The following FBXO15 variants were observed in gnomAD, a reference collection of about 807,000 sequenced individuals.
FBXO15 encodes F-box only protein 15.
A neutral mutation model predicts 49.5 loss-of-function variants in FBXO15; 30 were observed. The observed-to-expected ratio is 0.61, with a 90% CI of 0.45 to 0.82. The LOEUF is 0.82. Among genes scored for constraint, FBXO15 ranks in the 40% least tolerant of loss-of-function variants. The pLI is 0.00. For synonymous variants in FBXO15, 250 were observed against 232.7 expected (o/e 1.07, Z -0.68); for missense variants, 591 against 631.5 (o/e 0.94, Z 0.69).
At chr18:74,088,735 G>A (rs1048658803) in intron 8 of FBXO15, among the ~76,000 whole-genome samples, 7 of 152,174 alleles carry the variant, frequency 4.6e-5, no homozygotes, top group African/African-American at 1.7e-4. Context: ...ATCTAATTCT[G>A]TGGAGAATGT....
intron 8 of FBXO15, among the ~76,000 whole-genome samples, chr18:74,121,818 A>T (rs1914483438): frequency 6.6e-6 from 1 of 152,208 alleles, no homozygotes; most frequent in Admixed American, 6.5e-5. Flanking sequence ...CCACCACAGG[A>T]GATGACTAGT....
At chr18:74,094,337 T>C (rs2097064) in intron 8 of FBXO15, among the ~76,000 whole-genome samples, 2,333 of 152,244 alleles carry the variant, frequency 0.015, 65 homozygotes, top group African/African-American at 0.053. Context: ...TTTAAAAGTA[T>C]GTGGCCTCTC....
intron 1 of FBXO15, among the ~76,000 whole-genome samples, chr18:74,145,698 C>T (rs1457905879): frequency 4.0e-5 from 6 of 149,442 alleles, no homozygotes; most frequent in Non-Finnish European, 5.9e-5. Context: ...CCTGGGTTCA[C>T]GCCATTCTCC....
intron 2 of FBXO15, among the ~76,000 whole-genome samples, 197 bp from the exon 3 acceptor site, chr18:74,136,063 C>T (rs934598247): frequency 2.6e-5 from 4 of 152,212 alleles, no homozygotes; most frequent in African/African-American, 9.7e-5. Flanking sequence ...ATTCTCATGA[C>T]ATAAACCATA....
chr18:74,085,888 T>A (rs1203799349), intron 8 of FBXO15, among the ~76,000 whole-genome samples: 1 of 152,028 alleles, frequency 6.6e-6, no homozygotes, highest in African/African-American at 2.4e-5. Context: ...ATAGAAAAAG[T>A]TTTAAAACAG....
intron 8 of FBXO15, among the ~76,000 whole-genome samples, chr18:74,107,054 AATG>A (rs1314325206): frequency 6.6e-6 from 1 of 152,140 alleles, no homozygotes. Flanking sequence ...AGTTTTCCTG[AATG>A]ATTATTTGCT....
rs774448921 is a variant in FBXO15, at chr18:74,081,914, G to C, written c.1263+13C>G. 1.3e-6 allele frequency: 2 copies of C among 1,555,552 alleles called. No homozygotes were observed. The highest frequency in any genetic ancestry group is 1.7e-6 in the Non-Finnish European group (2 of 1,162,054). On this transcript the variant is annotated intron_variant, in intron 9 of 9. Transcript: ENST00000419743. ...CAAGTTACTTGAAGAAAAGAAAACG[G>C]TTCTGTTTTTACCTTTATACAGCCA...
At chr18:74,136,118 T>C (rs893005195) in intron 2 of FBXO15, among the ~76,000 whole-genome samples, 1 of 152,252 alleles carries the variant, frequency 6.6e-6, no homozygotes, top group Non-Finnish European at 1.5e-5. Flanking sequence ...AGCATTTTAA[T>C]CACGTTCATA....
chr18:74,088,196 A>C (rs1253815625), intron 8 of FBXO15, among the ~76,000 whole-genome samples: 1 of 152,148 alleles, frequency 6.6e-6, no homozygotes, highest in Non-Finnish European at 1.5e-5. Flanking sequence ...GCTGTGCAGA[A>C]GCTCTTTAAA....
At chr18:74,125,459 G>C (rs1914667594) in intron 6 of FBXO15, among the ~76,000 whole-genome samples, 1 of 152,220 alleles carries the variant, frequency 6.6e-6, no homozygotes, top group African/African-American at 2.4e-5. Context: ...ATATCAGCCA[G>C]ACCTGGTGAA....
chr18:74,128,274 T>C (rs1037590967), intron 5 of FBXO15, among the ~76,000 whole-genome samples: 15 of 151,072 alleles, frequency 9.9e-5, no homozygotes, highest in Admixed American at 3.3e-4. Flanking sequence ...ACTAAAACAA[T>C]GCTCAAAGAG....
At chr18:74,076,466 G>C (rs1319414488) in intron 9 of FBXO15, 1 of 152,448 alleles carries the variant, frequency 6.6e-6, no homozygotes, top group East Asian at 1.9e-4. Flanking sequence ...TAGGAACTAG[G>C]AAGAGGGCCC....
At chr18:74,144,658 G>C (rs951499355) in intron 1 of FBXO15, among the ~76,000 whole-genome samples, 1 of 124,120 alleles carries the variant, frequency 8.1e-6, no homozygotes, top group African/African-American at 2.7e-5. Flanking sequence ...TAAATAATCT[G>C]TCTTTGTCCT....
intron 2 of FBXO15, among the ~76,000 whole-genome samples, chr18:74,138,841 AT>A (rs1978886260): frequency 6.6e-6 from 1 of 152,018 alleles, no homozygotes; most frequent in African/African-American, 2.4e-5. Flanking sequence ...ACCTACATTA[AT>A]TCATAAATGA....
chr18:74,123,636 T>G, intron 7 of FBXO15, 126 bp from the exon 8 acceptor site: 1 of 997,400 alleles, frequency 1.0e-6, no homozygotes, highest in Non-Finnish European at 1.4e-6. Flanking sequence ...TGAAACTCCA[T>G]AGGATTCCCT....
intron 8 of FBXO15, among the ~76,000 whole-genome samples, chr18:74,093,814 G>A (rs1913159951): frequency 6.6e-6 from 1 of 152,148 alleles, no homozygotes; most frequent in Non-Finnish European, 1.5e-5. Flanking sequence ...TGAATCATGT[G>A]CGTTCTTAAT....
chr18:74,137,845 C>T (rs974083068), intron 2 of FBXO15, among the ~76,000 whole-genome samples: 1 of 152,148 alleles, frequency 6.6e-6, no homozygotes. Context: ...TTAATTTGTG[C>T]GTGTTCATTT....
intron 8 of FBXO15, among the ~76,000 whole-genome samples, chr18:74,090,385 T>G (rs1382341277): frequency 2.0e-5 from 3 of 152,160 alleles, no homozygotes; most frequent in Admixed American, 6.6e-5. Context: ...TTGTACAATT[T>G]TTCACATCTC....
intron 1 of FBXO15, among the ~76,000 whole-genome samples, chr18:74,144,478 A>G (rs1252581156): frequency 6.6e-6 from 1 of 152,146 alleles, no homozygotes; most frequent in Non-Finnish European, 1.5e-5. Flanking sequence ...TGACAGCACA[A>G]TCCTTGAGAC....
Sources: gnomAD v4.1 joint callset for allele counts (sites outside exome capture counted in the v4.1 genomes callset) on GRCh38, gnomAD v4.1.1 for gene constraint, MANE v1.5 for transcripts, NCBI Gene and HGNC (gene_info 2026-07-23, HGNC 2026-07-21) for gene names.